TIMMDC1: variants seen among roughly 807,000 people sequenced by gnomAD.
TIMMDC1 encodes translocase of inner mitochondrial membrane domain containing 1, also known as complex I assembly factor TIMMDC1, mitochondrial.
TIMMDC1 carries 25 observed loss-of-function variants against 32.6 expected under a neutral mutation model. That is an observed-to-expected ratio of 0.77 (90% confidence interval 0.56 to 1.07). The LOEUF (loss-of-function observed/expected upper bound fraction) is 1.07, where lower values mean the gene tolerates loss of function less well. TIMMDC1 is among the 50% of genes least tolerant of loss of function. The pLI is 0.00. For synonymous variants in TIMMDC1, 130 were observed against 127.6 expected (o/e 1.02, Z -0.13); for missense variants, 329 against 349.2 (o/e 0.94, Z 0.46).
chr3:119,503,383 TAAAG>T (rs1577095918), intron 2 of TIMMDC1, 145 bp from the exon 3 acceptor site: 1 of 585,982 alleles, frequency 1.7e-6, no homozygotes, highest in Non-Finnish European at 2.9e-6. Context: ...CCTCAATACT[TAAAG>T]AATAGTATTT....
chr3:119,525,062 C>G lies in TIMMDC1; in HGVS notation c.*1306C>G, dbSNP rs1272963955. The G allele has an allele frequency of 2.0e-5, 3 of 152,176 alleles. No homozygotes were observed. Among genetic ancestry groups the G allele is most frequent in the Non-Finnish European group, 4.4e-5 (3 of 68,044 alleles). 9.4% of individuals were successfully genotyped at this position (152,176 alleles called of 1,614,324 possible). A position where few individuals can be genotyped will look rare whatever the true frequency, so the allele number is the denominator to read the frequency against. Reference sequence around the variant, plus strand: ...GGACTATCCCTTTCCTCCTTGACTACTGCTTTGACGTACCTAAATCATTCG... The same window carrying G: ...GGACTATCCCTTTCCTCCTTGACTAGTGCTTTGACGTACCTAAATCATTCG... On this transcript the variant is annotated 3_prime_UTR_variant, in exon 7 of 7. Transcript: ENST00000494664.
At chr3:119,518,723 A>T (rs1362625066) in intron 6 of TIMMDC1, among the ~76,000 whole-genome samples, 1 of 152,184 alleles carries the variant, frequency 6.6e-6, no homozygotes, top group Non-Finnish European at 1.5e-5. Flanking sequence ...TGCCAATTCT[A>T]GTGGCTGAGC....
rs772291466 is a variant in TIMMDC1 at position 119,503,635 on chromosome 3, A to G, written c.449+15A>G. 3 of 1,579,582 alleles carry G rather than the reference A, an allele frequency of 1.9e-6. No homozygotes were observed. The African/African-American group carries it at 4.1e-5, about 21-fold the overall frequency. ...ACTATATTCAAGTAAGTTCACTCTG[A>G]ATTGTGAGATAGTGAATTTTCTTGA... On this transcript the variant is annotated intron_variant, in intron 3 of 6. Coordinates refer to ENST00000494664, the MANE Select transcript of TIMMDC1 (RefSeq NM_016589.4).
Position 119,517,097 on chromosome 3 carries a change from A to G in TIMMDC1, c.597-108A>G, listed in dbSNP as rs2081988993. On this transcript the variant is annotated intron_variant, in intron 5 of 6. Transcript: ENST00000494664. Reference sequence around the variant, plus strand: ...TAATTCTCAAATGTTCCTGTACCTAATAGTGAACAAGTGGCTCTGGTGTTG... The same window carrying G: ...TAATTCTCAAATGTTCCTGTACCTAGTAGTGAACAAGTGGCTCTGGTGTTG... 4.7e-5 allele frequency: 30 copies of G among 635,660 alleles called. 1 individual carries two copies. In the South Asian group the frequency reaches 5.4e-4, roughly 11 times the overall value. The allele number at this position is 635,660 out of a possible 1,614,324, so 39.4% of individuals were successfully genotyped here. A position where few individuals can be genotyped will look rare whatever the true frequency, so the allele number is the denominator to read the frequency against.
chr3:119,523,809 G>A lies in TIMMDC1; in HGVS notation c.*53G>A, dbSNP rs1355306088. The stretch of plus-strand genomic sequence containing the variant: ...AGAGCTGAAGGGAGCTGCCATGTCC[G>A]ATGAATGCCAACAGACAGGCCACTC... On this transcript the variant is annotated 3_prime_UTR_variant, in exon 7 of 7. Transcript: ENST00000494664. 5.4e-6 allele frequency: 8 copies of A among 1,473,400 alleles called. No individual in the cohort carries two copies. The Admixed American group carries it at 9.4e-5, about 17-fold the overall frequency. The allele number at this position is 1,473,400 out of a possible 1,614,324, so 91.3% of individuals were successfully genotyped here.
chr3:119,523,778 C>G lies in TIMMDC1; in HGVS notation c.*22C>G. On this transcript the variant is annotated 3_prime_UTR_variant, in exon 7 of 7. Transcript: ENST00000494664. ...CTGAAAGTGCTCTGAACTTGAAACT[C>G]ACTGGAGAGCTGAAGGGAGCTGCCA... 6.4e-7 allele frequency: 1 copy of G among 1,567,530 alleles called. No individual in the cohort carries two copies. The highest frequency in any genetic ancestry group is 2.3e-5 in the East Asian group (1 of 43,838).
At chr3:119,520,664 A>C (rs2082020012) in intron 6 of TIMMDC1, among the ~76,000 whole-genome samples, 1 of 152,250 alleles carries the variant, frequency 6.6e-6, no homozygotes, top group Non-Finnish European at 1.5e-5. Flanking sequence ...CAGTTAAAGA[A>C]GAATTAAGAC....
At chr3:119,519,033 C>CT (rs753752761) in intron 6 of TIMMDC1, among the ~76,000 whole-genome samples, 1 of 152,132 alleles carries the variant, frequency 6.6e-6, no homozygotes, top group Non-Finnish European at 1.5e-5. Flanking sequence ...ATAAGAAATG[C>CT]TTAAAGAACT....
intron 2 of TIMMDC1, among the ~76,000 whole-genome samples, chr3:119,502,997 T>G (rs1384676682): frequency 6.6e-6 from 1 of 152,222 alleles, no homozygotes; most frequent in Non-Finnish European, 1.5e-5. Flanking sequence ...CCTTCCCCCC[T>G]CTATTTACAT....
intron 4 of TIMMDC1, among the ~76,000 whole-genome samples, chr3:119,508,047 C>A (rs1334576669): frequency 1.3e-5 from 2 of 152,142 alleles, no homozygotes; most frequent in African/African-American, 4.8e-5. Flanking sequence ...TTGGGCTGTG[C>A]AAAACCATTT....
At position 119,523,659 on chromosome 3, in the gene TIMMDC1, T is replaced by G. The variant is rs772362154; in HGVS notation, c.761T>G (p.Leu254Ter). 12 of 1,613,550 alleles carry G rather than the reference T, an allele frequency of 7.4e-6. No individual in the cohort carries two copies. In the South Asian group the frequency reaches 1.2e-4, roughly 16 times the overall value. ...EHLPEKIESS[L>*]QEDEPENDAK... ...CTCCCTGAGAAAATTGAAAGTAGTT[T>G]ACAGGAAGATGAACCTGAGAATGAT... The change falls in exon 7 of 7, where the codon TTA becomes TGA. Residue 254 changes from leucine to a stop codon, truncating the protein, a stop_gained. Coordinates refer to ENST00000494664, the MANE Select transcript of TIMMDC1 (RefSeq NM_016589.4). LOFTEE classifies it high-confidence loss of function.
chr3:119,512,637 C>A (rs2081961360), intron 4 of TIMMDC1, among the ~76,000 whole-genome samples: 1 of 152,092 alleles, frequency 6.6e-6, no homozygotes, highest in Non-Finnish European at 1.5e-5. Context: ...AAAAGACTAA[C>A]TTATTACTGA....
intron 1 of TIMMDC1, 123 bp from the exon 2 acceptor site, chr3:119,500,572 G>A: frequency 1.2e-6 from 1 of 841,860 alleles, no homozygotes; most frequent in Non-Finnish European, 1.8e-6. Flanking sequence ...ATTCATCTGA[G>A]AATTCTACCT....
At chr3:119,522,816 GTGT>G (rs2082037066) in intron 6 of TIMMDC1, among the ~76,000 whole-genome samples, 1 of 119,334 alleles carries the variant, frequency 8.4e-6, no homozygotes, top group Non-Finnish European at 1.5e-5. Flanking sequence ...GTGTGTGTGT[GTGT>G]GTGTGTGTGT....
intron 6 of TIMMDC1, among the ~76,000 whole-genome samples, chr3:119,522,954 G>A (rs983021093): frequency 1.3e-5 from 2 of 152,046 alleles, no homozygotes; most frequent in Non-Finnish European, 2.9e-5. Flanking sequence ...GCCTCAATGA[G>A]CAGAAAATGT....
At chr3:119,499,733 G>A (rs1013690556) in intron 1 of TIMMDC1, among the ~76,000 whole-genome samples, 3 of 152,162 alleles carry the variant, frequency 2.0e-5, no homozygotes, top group Admixed American at 6.5e-5. Context: ...GGCCTAGAAG[G>A]GCAATTATTT....
chr3:119,506,283 G>A (rs2081918533), intron 4 of TIMMDC1, among the ~76,000 whole-genome samples: 1 of 152,168 alleles, frequency 6.6e-6, no homozygotes. Flanking sequence ...AGCACTTTGG[G>A]AGGCCAAGGT....
intron 1 of TIMMDC1, among the ~76,000 whole-genome samples, chr3:119,499,289 G>A (rs769195827): frequency 2.6e-4 from 40 of 151,644 alleles, no homozygotes; most frequent in Non-Finnish European, 5.6e-4. Flanking sequence ...TTTATAGACA[G>A]GGTTCTTACC....
chr3:119,500,726 A>G lies in TIMMDC1; in HGVS notation c.226A>G (p.Asn76Asp), dbSNP rs11539377. The change falls in exon 2 of 7, where the codon AAT becomes GAT. Residue 76 changes from asparagine to aspartate, a missense_variant. Transcript: ENST00000494664. ...EQQRISKDLA[N>D]ICKTAATAGI... ...GCAGAGAATTTCAAAGGACCTTGCT[A>G]ATATCTGTAAGACGGCAGCTACAGC... 80,830 of 1,613,510 alleles carry G rather than the reference A, an allele frequency of 0.05. 9,567 individuals carry two copies. The highest frequency in any genetic ancestry group is 0.47 in the African/African-American group (34,940 of 74,852).
Sources: allele counts gnomAD v4.1 joint callset (sites outside exome capture counted in the v4.1 genomes callset), GRCh38; gene constraint gnomAD v4.1.1; transcripts MANE v1.5; gene names NCBI Gene and HGNC (gene_info 2026-07-23, HGNC 2026-07-21).